GLIPR1L1: variants seen among roughly 807,000 people sequenced by gnomAD.
The protein encoded by GLIPR1L1 is GLIPR1-like protein 1.
A neutral mutation model predicts 29.9 loss-of-function variants in GLIPR1L1; 26 were observed. The ratio of observed to expected loss-of-function variants is 0.87; its 90% CI spans 0.64 to 1.21. The LOEUF (loss-of-function observed/expected upper bound fraction) is 1.21, where lower values mean the gene tolerates loss of function less well. Ranked by LOEUF, GLIPR1L1 falls within the 50% of genes most tolerant of loss-of-function variation. GLIPR1L1 has a pLI of 0.00. For synonymous variants in GLIPR1L1, 77 were observed against 97.5 expected, an observed-to-expected ratio of 0.79 and a Z score of 1.24; for missense variants, 305 against 290.3, an observed-to-expected ratio of 1.05 and a Z score of -0.37.
chr12:75,352,771 T>C (rs148849063), intron 3 of GLIPR1L1, among the ~76,000 whole-genome samples: 86 of 152,224 alleles, frequency 5.6e-4, no homozygotes, highest in African/African-American at 2.0e-3. Flanking sequence ...CCTCAGCAAA[T>C]GCAAAAGAAC....
intron 3 of GLIPR1L1, among the ~76,000 whole-genome samples, chr12:75,349,397 G>A (rs991924884): frequency 1.3e-4 from 20 of 152,052 alleles, no homozygotes; most frequent in African/African-American, 4.8e-4. Context: ...ACTCAAGGAG[G>A]TTTACAGAAA....
At position 75,370,107 on chromosome 12, in the gene GLIPR1L1, G is replaced by A. The variant is rs148073028; in HGVS notation, c.660G>A (p.Thr220=). ...CAGAAAATCCATTTCTGAAGCCAACGGGGAGAGCACCTCAGCAGACAGCCT... is the reference window on the plus strand; with the variant it reads ...CAGAAAATCCATTTCTGAAGCCAACAGGGAGAGCACCTCAGCAGACAGCCT... ...IPNQNPFLKP[T]GRAPQQTAFN... Residue 220 remains threonine (T), a synonymous_variant, in exon 6 of 6, where the codon ACG becomes ACA. Transcript: ENST00000378695. The A allele has an allele frequency of 3.9e-5, 63 of 1,605,920 alleles. No individual in the cohort carries two copies. The Admixed American group carries it at 8.2e-4, about 21-fold the overall frequency.
intron 3 of GLIPR1L1, among the ~76,000 whole-genome samples, chr12:75,362,236 G>C (rs1025067446): frequency 1.3e-5 from 2 of 151,816 alleles, no homozygotes; most frequent in African/African-American, 2.4e-5. Context: ...AAGATATGTA[G>C]GTAACAAATA....
intron 4 of GLIPR1L1, chr12:75,366,757 T>G (rs529689246): frequency 2.0e-5 from 13 of 636,390 alleles, no homozygotes; most frequent in Admixed American, 4.9e-5. Context: ...AATGAGTCAT[T>G]TCCACGCTCT....
At chr12:75,339,825 C>T (rs1421409014) in intron 1 of GLIPR1L1, among the ~76,000 whole-genome samples, 7 of 152,168 alleles carry the variant, frequency 4.6e-5, no homozygotes, top group South Asian at 2.1e-4. Context: ...GTTCTCCCAG[C>T]GGAAAAGTTA....
chr12:75,346,870 C>A (rs1045346245), intron 2 of GLIPR1L1, among the ~76,000 whole-genome samples: 3 of 151,932 alleles, frequency 2.0e-5, no homozygotes, highest in Non-Finnish European at 4.4e-5. Flanking sequence ...AAAATTTATT[C>A]TGTGTCTAAA....
At chr12:75,348,153 C>G (rs2042577103) in intron 3 of GLIPR1L1, among the ~76,000 whole-genome samples, 1 of 152,052 alleles carries the variant, frequency 6.6e-6, no homozygotes, top group African/African-American at 2.4e-5. Context: ...CTGATAATTG[C>G]ATATCTAAAT....
Position 75,347,496 on chromosome 12 carries a change from T to A in GLIPR1L1, c.421-126T>A, listed in dbSNP as rs181927291. 6.4e-5 allele frequency: 28 copies of A among 439,400 alleles called. No homozygotes were observed. In the Admixed American group the frequency reaches 8.1e-4, roughly 13 times the overall value. 27.2% of individuals were successfully genotyped at this position (439,400 alleles called of 1,614,324 possible). On this transcript the variant is annotated intron_variant, in intron 2 of 5. Transcript: ENST00000378695. Reference sequence around the variant, plus strand: ...ATAAATATAAACATTAGAAAAAATATGTAACTAATAAATATTTATGTACAT... The same window carrying A: ...ATAAATATAAACATTAGAAAAAATAAGTAACTAATAAATATTTATGTACAT...
intron 4 of GLIPR1L1, among the ~76,000 whole-genome samples, chr12:75,365,958 A>G (rs1165277372): frequency 1.3e-5 from 2 of 152,182 alleles, no homozygotes; most frequent in Non-Finnish European, 2.9e-5. Flanking sequence ...ACCCTTATGC[A>G]AAATTTTGAC....
chr12:75,359,102 G>A (rs1175496470), intron 3 of GLIPR1L1, among the ~76,000 whole-genome samples: 1 of 150,174 alleles, frequency 6.7e-6, no homozygotes, highest in Non-Finnish European at 1.5e-5. Flanking sequence ...AATAAGTTTA[G>A]CAATCTTTTA....
chr12:75,355,413 G>A lies in GLIPR1L1; in HGVS notation c.522-7689G>A, dbSNP rs150190856. 6.3e-3 allele frequency among the ~76,000 whole-genome samples: 961 copies of A among 152,138 alleles called. 8 individuals are homozygous for A. Among genetic ancestry groups the A allele is most frequent in the African/African-American group, 0.021 (864 of 41,504 alleles). On this transcript the variant is annotated intron_variant, in intron 3 of 5. Transcript: ENST00000378695. The stretch of plus-strand genomic sequence containing the variant: ...CATTAGAGAAATGCAAATCAAAATC[G>A]CAGTTAGATACCATCTCATGCCAGT...
chr12:75,335,844 T>C (rs1394408845), intron 1 of GLIPR1L1, among the ~76,000 whole-genome samples: 1 of 151,990 alleles, frequency 6.6e-6, no homozygotes, highest in African/African-American at 2.4e-5. Context: ...TAACTAGAAA[T>C]AAATCTTCAA....
chr12:75,357,653 A>G (rs1024250063), intron 3 of GLIPR1L1, among the ~76,000 whole-genome samples: 3 of 152,146 alleles, frequency 2.0e-5, no homozygotes, highest in African/African-American at 7.2e-5. Context: ...AATAATACAA[A>G]GTATGTTGTT....
chr12:75,346,727 T>C (rs893647897), intron 2 of GLIPR1L1, among the ~76,000 whole-genome samples: 1 of 152,178 alleles, frequency 6.6e-6, no homozygotes, highest in African/African-American at 2.4e-5. Context: ...GCTGGTAAAA[T>C]ATATTTTGCA....
chr12:75,362,265 T>A (rs74108724), intron 3 of GLIPR1L1, among the ~76,000 whole-genome samples: 8,907 of 152,198 alleles, frequency 0.059, 337 homozygotes, highest in African/African-American at 0.11. Flanking sequence ...AAAATGCTCA[T>A]CATCATTCAT....
chr12:75,344,173 A>G (rs2139353592), intron 2 of GLIPR1L1, among the ~76,000 whole-genome samples: 1 of 152,210 alleles, frequency 6.6e-6, no homozygotes. Context: ...CAAATTTAGA[A>G]GAATGTTGGC....
At chr12:75,341,747 CTTTT>C (rs1185408752) in intron 1 of GLIPR1L1, among the ~76,000 whole-genome samples, 1 of 83,414 alleles carries the variant, frequency 1.2e-5, no homozygotes, top group Non-Finnish European at 2.2e-5. Context: ...CGCCCGGCCT[CTTTT>C]TTTTTTTTTT....
chr12:75,341,611 G>T, intron 1 of GLIPR1L1, among the ~76,000 whole-genome samples: 1 of 151,548 alleles, frequency 6.6e-6, no homozygotes, highest in Non-Finnish European at 1.5e-5. Flanking sequence ...CACGCCCGCA[G>T]AATTTTTTGT....
At chr12:75,367,250 A>ACAACAACT (rs1231939792) in intron 4 of GLIPR1L1, among the ~76,000 whole-genome samples, 1 of 147,846 alleles carries the variant, frequency 6.8e-6, no homozygotes, top group African/African-American at 2.5e-5. Flanking sequence ...AGGATCCTAA[A>ACAACAACT]CAACAACTTC....
Sources: allele counts gnomAD v4.1 joint callset (sites outside exome capture counted in the v4.1 genomes callset), GRCh38; gene constraint gnomAD v4.1.1; transcripts MANE v1.5; gene names NCBI Gene and HGNC (gene_info 2026-07-23, HGNC 2026-07-21).